Variants in DLGAP2 observed in about 807,000 individuals in gnomAD.
DLGAP2 encodes the protein disks large-associated protein 2.
DLGAP2 carries 26 observed loss-of-function variants against 100.3 expected under a neutral mutation model. The observed-to-expected ratio is 0.26, with a 90% CI of 0.19 to 0.36. The LOEUF is 0.36. Among genes scored for constraint, DLGAP2 ranks in the 10% least tolerant of loss-of-function variants. The pLI, the probability that DLGAP2 is intolerant of heterozygous loss-of-function variation, is 1.00. For missense variants in DLGAP2, 1,858 were observed against 1,453.2 expected (o/e 1.28, Z -4.53); for synonymous variants, 886 against 630.1 (o/e 1.41, Z -6.08).
At chr8:1,483,584 G>A (rs762993880) in intron 3 of DLGAP2, among the ~76,000 whole-genome samples, 1 of 140,054 alleles carries the variant, frequency 7.1e-6, no homozygotes, top group African/African-American at 3.3e-5. Flanking sequence ...AGGGAGGCAG[G>A]CGCAGAACGT....
At chr8:1,055,381 G>T (rs1802848697) in intron 2 of DLGAP2, among the ~76,000 whole-genome samples, 1 of 152,130 alleles carries the variant, frequency 6.6e-6, no homozygotes, top group South Asian at 2.1e-4. Flanking sequence ...TCCGTCCCCT[G>T]TAAGTCTCTT....
chr8:1,438,740 TAAC>T, intron 3 of DLGAP2, among the ~76,000 whole-genome samples: 1 of 152,334 alleles, frequency 6.6e-6, no homozygotes, highest in South Asian at 2.1e-4. Context: ...CAGACTGTGA[TAAC>T]AACGAAATTC....
intron 2 of DLGAP2, among the ~76,000 whole-genome samples, chr8:1,206,427 A>G (rs1797992410): frequency 6.6e-6 from 1 of 151,876 alleles, no homozygotes; most frequent in Non-Finnish European, 1.5e-5. Context: ...GTGAGCGGTT[A>G]ATCTCCAGCC....
chr8:1,449,652 C>T (rs566712793), intron 3 of DLGAP2, among the ~76,000 whole-genome samples: 2 of 152,302 alleles, frequency 1.3e-5, no homozygotes, highest in South Asian at 2.1e-4. Flanking sequence ...CTGGGCCACA[C>T]TTGGAAAGGT....
rs558833262 is a variant in DLGAP2, at chr8:791,035, G to T, written c.18+53210G>T. 3.9e-5 allele frequency among the ~76,000 whole-genome samples: 6 copies of T among 152,314 alleles called. No individual in the cohort carries two copies. The South Asian group carries it at 1.2e-3, about 32-fold the overall frequency. ...AGGGATCACAGGCATGAGCCACCAC[G>T]CCCGGACCAACATGCATTTTTGAGT... On this transcript the variant is annotated intron_variant, in intron 1 of 14. Transcript: ENST00000637795.
chr8:1,284,163 C>G (rs777298714), intron 3 of DLGAP2, among the ~76,000 whole-genome samples: 2 of 152,218 alleles, frequency 1.3e-5, no homozygotes, highest in African/African-American at 4.8e-5. Flanking sequence ...CCTGCAGTAG[C>G]TAAGTACAGC....
At chr8:1,358,380 G>A (rs1399875764) in intron 3 of DLGAP2, among the ~76,000 whole-genome samples, 1 of 152,126 alleles carries the variant, frequency 6.6e-6, no homozygotes, top group African/African-American at 2.4e-5. Flanking sequence ...AAGAGATCTG[G>A]TGTGGGACCC....
At chr8:1,033,376 G>T (rs71516134) in intron 2 of DLGAP2, among the ~76,000 whole-genome samples, 6 of 152,184 alleles carry the variant, frequency 3.9e-5, no homozygotes, top group African/African-American at 1.4e-4. Flanking sequence ...TAAAGGCTTA[G>T]CTGGGGGTTG....
chr8:1,155,951 G>C (rs1267754054), intron 2 of DLGAP2, among the ~76,000 whole-genome samples: 1 of 152,190 alleles, frequency 6.6e-6, no homozygotes, highest in Non-Finnish European at 1.5e-5. Context: ...GGCTGGGTGG[G>C]CGTCCCGTTC....
intron 3 of DLGAP2, among the ~76,000 whole-genome samples, chr8:1,391,364 A>C (rs1412462179): frequency 3.3e-5 from 5 of 152,198 alleles, no homozygotes; most frequent in Non-Finnish European, 5.9e-5. Flanking sequence ...TGGATGCCCC[A>C]TTCAGAGGCC....
At chr8:1,490,509 G>A (rs979202781) in intron 3 of DLGAP2, among the ~76,000 whole-genome samples, 3 of 152,250 alleles carry the variant, frequency 2.0e-5, no homozygotes, top group African/African-American at 4.8e-5. Flanking sequence ...GAGAGAGGGT[G>A]ATGGGAGAGT....
intron 3 of DLGAP2, among the ~76,000 whole-genome samples, chr8:1,453,192 A>T (rs983828145): frequency 6.6e-6 from 1 of 152,122 alleles, no homozygotes; most frequent in Non-Finnish European, 1.5e-5. Context: ...TACTGAGCCC[A>T]GGATGGAAGG....
intron 1 of DLGAP2, among the ~76,000 whole-genome samples, chr8:896,475 A>G (rs1798144169): frequency 6.6e-6 from 1 of 152,044 alleles, no homozygotes. Flanking sequence ...ATTTTGGGGT[A>G]CCCATCCGAC....
chr8:1,214,107 C>T (rs976886349), intron 2 of DLGAP2, among the ~76,000 whole-genome samples: 3 of 152,156 alleles, frequency 2.0e-5, no homozygotes, highest in African/African-American at 7.2e-5. Flanking sequence ...CCCCAGGGGG[C>T]CTTGCGTCTT....
chr8:1,696,055 C>T (rs1254755259), intron 13 of DLGAP2, among the ~76,000 whole-genome samples: 2 of 152,334 alleles, frequency 1.3e-5, no homozygotes, highest in East Asian at 3.9e-4. Context: ...CAGAGCTGTC[C>T]GTTCAGCATG....
intron 3 of DLGAP2, among the ~76,000 whole-genome samples, chr8:1,418,042 A>T (rs77407200): frequency 0.012 from 1,847 of 152,264 alleles, 32 homozygotes; most frequent in African/African-American, 0.041. Context: ...GAAGTGGGGG[A>T]TTAGATGCCT....
At chr8:1,437,426 G>A (rs964545625) in intron 3 of DLGAP2, among the ~76,000 whole-genome samples, 2 of 152,228 alleles carry the variant, frequency 1.3e-5, no homozygotes, top group Admixed American at 6.5e-5. Context: ...ATGATGGAAC[G>A]TAGAACCCCA....
At chr8:952,923 T>C (rs1380993775) in intron 2 of DLGAP2, among the ~76,000 whole-genome samples, 6 of 152,218 alleles carry the variant, frequency 3.9e-5, no homozygotes, top group Non-Finnish European at 8.8e-5. Flanking sequence ...CACTTTGTCA[T>C]TCCTTATGTT....
intron 2 of DLGAP2, among the ~76,000 whole-genome samples, chr8:1,090,146 G>C (rs1804125843): frequency 7.0e-6 from 1 of 142,542 alleles, no homozygotes; most frequent in Admixed American, 6.9e-5. Flanking sequence ...CTGCGCTCTG[G>C]AGCCCTCCTG....
Sources: allele counts gnomAD v4.1 joint callset (sites outside exome capture counted in the v4.1 genomes callset), GRCh38; gene constraint gnomAD v4.1.1; transcripts MANE v1.5; gene names NCBI Gene and HGNC (gene_info 2026-07-23, HGNC 2026-07-21).